The following CASK variants were observed in gnomAD, a reference collection of about 807,000 sequenced individuals.
CASK encodes the protein peripheral plasma membrane protein CASK.
In CASK, 4 loss-of-function variants were observed where a neutral mutation model predicts 82.9. The observed-to-expected ratio is 0.05, with a 90% confidence interval of 0.02 to 0.11. The LOEUF is 0.11. Among genes scored for constraint, CASK ranks in the 10% least tolerant of loss-of-function variants. CASK has a pLI of 1.00. For missense variants in CASK, 358 were observed against 720.9 expected (o/e 0.50, Z 5.76); for synonymous variants, 259 against 253.5 (o/e 1.02, Z -0.20).
intron 4 of CASK, among the ~76,000 whole-genome samples, chrX:41,740,360 G>A (rs1292166870): frequency 9.2e-6 from 1 of 108,868 alleles, no homozygotes; most frequent in Non-Finnish European, 1.9e-5. Flanking sequence ...TGACAGAAAT[G>A]CAATAGACTT....
At chrX:41,613,297 T>C (rs1454520282) in intron 11 of CASK, among the ~76,000 whole-genome samples, 2 of 106,049 alleles carry the variant, frequency 1.9e-5, no homozygotes, top group Non-Finnish European at 3.9e-5. Context: ...AGAAAAATTC[T>C]TCTGCCTTGG....
intron 5 of CASK, among the ~76,000 whole-genome samples, chrX:41,736,323 C>T (rs1470411046): frequency 9.0e-6 from 1 of 110,941 alleles, no homozygotes; most frequent in Non-Finnish European, 1.9e-5. Context: ...GGTGAAACCT[C>T]GTCTCTACAA....
At chrX:41,611,350 C>CA (rs2066041665) in intron 11 of CASK, among the ~76,000 whole-genome samples, 1 of 110,973 alleles carries the variant, frequency 9.0e-6, no homozygotes, top group South Asian at 3.8e-4. Context: ...TAACATATAT[C>CA]AAAAAGCCTT....
chrX:41,909,482 T>C lies in CASK; in HGVS notation c.59+13448A>G, dbSNP rs769173529. Among the ~76,000 whole-genome samples the C allele has an allele frequency of 2.3e-4, 26 of 112,436 alleles. 1 individual carries two copies. The South Asian group carries it at 9.2e-3, about 40-fold the overall frequency. On this transcript the variant is annotated intron_variant, in intron 1 of 26. Coordinates refer to ENST00000378163, the MANE Select transcript of CASK (RefSeq NM_001367721.1). ...TATGCAATATTTTCACCTAACATGT[T>C]CTGAGCCCTATAAGGAGTTGAGAAG...
intron 1 of CASK, among the ~76,000 whole-genome samples, chrX:41,861,928 T>C (rs1388865671): frequency 2.9e-5 from 3 of 102,947 alleles, no homozygotes; most frequent in Non-Finnish European, 5.8e-5. Flanking sequence ...TATGTATATA[T>C]ACTATATATA....
At chrX:41,711,074 GC>G (rs1414743449) in intron 5 of CASK, among the ~76,000 whole-genome samples, 2 of 111,928 alleles carry the variant, frequency 1.8e-5, no homozygotes, top group Non-Finnish European at 3.8e-5. Context: ...CAAAGAGGGA[GC>G]CGTGGGATCC....
At chrX:41,883,129 C>T (rs981044879) in intron 1 of CASK, among the ~76,000 whole-genome samples, 2 of 111,843 alleles carry the variant, frequency 1.8e-5, no homozygotes, top group South Asian at 7.4e-4. Flanking sequence ...CCAAATGAGG[C>T]TACAGTTTAT....
intron 16 of CASK, among the ~76,000 whole-genome samples, chrX:41,565,870 C>T (rs1264458789): frequency 3.6e-5 from 4 of 111,702 alleles, no homozygotes; most frequent in African/African-American, 9.8e-5. Flanking sequence ...AGCAGCTCAT[C>T]AAAAAACTTA....
intron 22 of CASK, among the ~76,000 whole-genome samples, chrX:41,537,090 C>G (rs1410079058): frequency 8.9e-6 from 1 of 111,892 alleles, no homozygotes; most frequent in East Asian, 2.8e-4. Context: ...AGAGCCCTAA[C>G]TGTGATCCTA....
chrX:41,898,779 C>A, intron 1 of CASK, among the ~76,000 whole-genome samples: 1 of 111,592 alleles, frequency 9.0e-6, no homozygotes, highest in Non-Finnish European at 1.9e-5. Context: ...CCACTGTGGT[C>A]AGAAAAAAAC....
intron 3 of CASK, chrX:41,748,525 C>T (rs1246670038): frequency 1.4e-5 from 3 of 220,603 alleles, no homozygotes; most frequent in South Asian, 6.9e-5. Flanking sequence ...ATTCACTGTA[C>T]TAACGACCTC....
chrX:41,563,356 CAAAAAAAAAAA>C (rs746081703), intron 16 of CASK, among the ~76,000 whole-genome samples: 3 of 15,148 alleles, frequency 2.0e-4, no homozygotes, highest in African/African-American at 5.6e-4. Flanking sequence ...GACCCTGTCT[CAAAAAAAAAAA>C]AAAAAAAAAA....
At chrX:41,853,984 C>T (rs750821768) in intron 1 of CASK, among the ~76,000 whole-genome samples, 3 of 111,720 alleles carry the variant, frequency 2.7e-5, no homozygotes, top group Non-Finnish European at 5.6e-5. Flanking sequence ...AAGAGAAAGG[C>T]CTGCGTGGTT....
chrX:41,755,124 G>T (rs1003317945), intron 3 of CASK, among the ~76,000 whole-genome samples: 1 of 110,818 alleles, frequency 9.0e-6, no homozygotes, highest in Admixed American at 9.7e-5. Context: ...TGATCTGCCT[G>T]CCTCGGCCTC....
rs1354446339 is a variant in CASK at position 41,778,380 on chromosome X, GCCA to G, written c.278+8795_278+8797del. Among the ~76,000 whole-genome samples, 5 of 108,477 alleles carry G rather than the reference GCCA, an allele frequency of 4.6e-5. No homozygotes were observed. The Admixed American group carries it at 5.0e-4, about 11-fold the overall frequency. 94.2% of individuals were successfully genotyped at this position (108,477 alleles called of 115,157 possible). A position where few individuals can be genotyped will look rare whatever the true frequency, so the allele number is the denominator to read the frequency against. ...CGAGTAGCTAGGATTACAGGCGCCC[GCCA>G]CCACGCCTGGCTAATTTTTGTATTT... On this transcript the variant is annotated intron_variant, in intron 3 of 26. Coordinates refer to ENST00000378163, the MANE Select transcript of CASK (RefSeq NM_001367721.1).
At chrX:41,884,162 A>G (rs748882150) in intron 1 of CASK, among the ~76,000 whole-genome samples, 1 of 112,383 alleles carries the variant, frequency 8.9e-6, no homozygotes, top group Non-Finnish European at 1.9e-5. Flanking sequence ...CCATCCAAGA[A>G]GGCAGGACAG....
chrX:41,752,926 G>A (rs2068822600), intron 3 of CASK, among the ~76,000 whole-genome samples: 1 of 111,586 alleles, frequency 9.0e-6, no homozygotes, highest in South Asian at 3.7e-4. Context: ...TCCTTCCAAG[G>A]GAAATAATTA....
chrX:41,888,754 T>TATGTATGTGTATATATGTATATATAC (rs1254655327), intron 1 of CASK, among the ~76,000 whole-genome samples: 88 of 97,150 alleles, frequency 9.1e-4, no homozygotes, highest in African/African-American at 3.0e-3. Context: ...TATATATGTA[T>TATGTATGTGTATATATGTATATATAC]ATGTATGTGT....
chrX:41,641,405 T>C lies in CASK; in HGVS notation c.832-4744A>G, dbSNP rs182746853. ...GATTAGCCTGATATAAATATCCTTTTCACTTTTTTTAAAATGACAGTATAC... is the reference window on the plus strand; with the variant it reads ...GATTAGCCTGATATAAATATCCTTTCCACTTTTTTTAAAATGACAGTATAC... On this transcript the variant is annotated intron_variant, in intron 8 of 26. Coordinates refer to ENST00000378163, the MANE Select transcript of CASK (RefSeq NM_001367721.1). Among the ~76,000 whole-genome samples, 445 of 111,849 alleles carry C rather than the reference T, an allele frequency of 4.0e-3. 3 individuals carry two copies. Among genetic ancestry groups the C allele is most frequent in the Middle Eastern group, 0.019 (4 of 214 alleles).
Sources: gnomAD v4.1 joint callset for allele counts (sites outside exome capture counted in the v4.1 genomes callset) on GRCh38, gnomAD v4.1.1 for gene constraint, MANE v1.5 for transcripts, NCBI Gene and HGNC (gene_info 2026-07-23, HGNC 2026-07-21) for gene names.